The following OIT3 variants were observed in gnomAD, a reference collection of about 807,000 sequenced individuals.
OIT3 encodes oncoprotein-induced transcript 3 protein.
A neutral mutation model predicts 52.2 loss-of-function variants in OIT3; 41 were observed. That is an observed-to-expected ratio of 0.79 (90% CI 0.61 to 1.02). OIT3 has a LOEUF of 1.02. OIT3 is among the 50% of genes least tolerant of loss of function. The pLI is 0.00. For synonymous variants in OIT3, 244 were observed against 276.9 expected, an observed-to-expected ratio of 0.88 and a Z score of 1.18; for missense variants, 634 against 715.5, an observed-to-expected ratio of 0.89 and a Z score of 1.30.
chr10:72,913,543 C>A, intron 6 of OIT3, 75 bp downstream of exon 6: 3 of 1,182,992 alleles, frequency 2.5e-6, no homozygotes, highest in African/African-American at 1.5e-5. Flanking sequence ...AGAGGTATGC[C>A]ATGTGGCTTG....
In OIT3 at chr10:72,913,326, C is replaced by G; in HGVS notation, c.809C>G (p.Ser270Ter). ...TCTGCAGTCCCTGTGTTGTGCAAAT[C>G]AAATGCCATTGAAGTGAACATCCCC... is the stretch of plus-strand genomic sequence containing the variant. ...HTCQVPVLCK[S>*]NAIEVNIPRE... Residue 270 changes from serine (S) to a stop codon, truncating the protein, a stop_gained, in exon 6 of 9, where the codon TCA becomes TGA. Transcript: ENST00000334011. LOFTEE classifies it high-confidence loss of function. 1 of 1,608,614 alleles carries G rather than the reference C, an allele frequency of 6.2e-7. No individual in the cohort carries two copies.
chr10:72,919,055 C>T (rs1191634646), intron 6 of OIT3, among the ~76,000 whole-genome samples: 7 of 152,130 alleles, frequency 4.6e-5, no homozygotes, highest in Non-Finnish European at 1.5e-5. Flanking sequence ...TTGCTTTGGG[C>T]AATATGGTCA....
At chr10:72,894,282 A>G (rs1013814405) in intron 1 of OIT3, among the ~76,000 whole-genome samples, 11 of 152,214 alleles carry the variant, frequency 7.2e-5, no homozygotes, top group Non-Finnish European at 1.5e-4. Context: ...GGATAAACCA[A>G]ACTCATTAGT....
chr10:72,924,324 G>A lies in OIT3; in HGVS notation c.1047G>A (p.Lys349=), dbSNP rs1322840779. 2 of 1,614,018 alleles carry A rather than the reference G, an allele frequency of 1.2e-6. No individual in the cohort carries two copies. Among genetic ancestry groups the A allele is most frequent in the Admixed American group, 3.3e-5 (2 of 60,000 alleles). ...SSGDFIIRTS[K]LLIPVTCEFP... ...GGGACTTCATCATCCGAACCAGCAAGCTGCTGATCCCGGTGACCTGCGAGT... is the reference window on the plus strand; with the variant it reads ...GGGACTTCATCATCCGAACCAGCAAACTGCTGATCCCGGTGACCTGCGAGT... The change falls in exon 7 of 9, where the codon AAG becomes AAA. Residue 349 remains lysine, a synonymous_variant. Coordinates refer to ENST00000334011, the MANE Select transcript of OIT3 (RefSeq NM_152635.3).
chr10:72,906,527 C>T, intron 3 of OIT3, 69 bp from the exon 4 acceptor site: 1 of 1,584,844 alleles, frequency 6.3e-7, no homozygotes. Flanking sequence ...TGTGGAAATT[C>T]TGCCCGGGGG....
intron 3 of OIT3, among the ~76,000 whole-genome samples, chr10:72,901,467 G>A (rs889725342): frequency 2.6e-5 from 4 of 152,168 alleles, no homozygotes; most frequent in Non-Finnish European, 5.9e-5. Context: ...AAGCTTTTTG[G>A]ATTCAGACTC....
At chr10:72,925,495 G>A (rs933943034) in intron 7 of OIT3, among the ~76,000 whole-genome samples, 9 of 152,202 alleles carry the variant, frequency 5.9e-5, no homozygotes, top group Non-Finnish European at 2.9e-5. Flanking sequence ...AGGGAACAAG[G>A]AGCCAGCAAA....
chr10:72,921,915 G>A (rs57552377), intron 6 of OIT3, among the ~76,000 whole-genome samples: 132 of 151,714 alleles, frequency 8.7e-4, no homozygotes, highest in African/African-American at 2.4e-3. Flanking sequence ...CAAGTGATCC[G>A]CCTGCCTCAG....
chr10:72,920,035 T>G lies in OIT3; in HGVS notation c.952-4194T>G, dbSNP rs535984874. On this transcript the variant is annotated intron_variant, in intron 6 of 8. Coordinates refer to ENST00000334011, the MANE Select transcript of OIT3 (RefSeq NM_152635.3). ...TCAGTAGGAATGGTACCAGCTCTTCTTTGTACAGGGGGTAGAATTCAGCTG... is the reference window on the plus strand; with the variant it reads ...TCAGTAGGAATGGTACCAGCTCTTCGTTGTACAGGGGGTAGAATTCAGCTG... Among the ~76,000 whole-genome samples the G allele has an allele frequency of 2.6e-4, 39 of 152,314 alleles. 1 individual carries two copies. In the South Asian group the frequency reaches 7.9e-3, roughly 31 times the overall value.
chr10:72,899,572 G>A (rs1845909052), intron 2 of OIT3, among the ~76,000 whole-genome samples: 1 of 149,456 alleles, frequency 6.7e-6, no homozygotes, highest in African/African-American at 2.5e-5. Context: ...CTCCAGCCTG[G>A]GTGACAGAGT....
chr10:72,904,715 C>T (rs1206956626), intron 3 of OIT3, among the ~76,000 whole-genome samples: 1 of 152,134 alleles, frequency 6.6e-6, no homozygotes, highest in Non-Finnish European at 1.5e-5. Flanking sequence ...CTCTAATTAT[C>T]ACGATAATGC....
At position 72,903,031 on chromosome 10, in the gene OIT3, G is replaced by A. The variant is rs368477470; in HGVS notation, c.544+2547G>A. On this transcript the variant is annotated intron_variant, in intron 3 of 8. Coordinates refer to ENST00000334011, the MANE Select transcript of OIT3 (RefSeq NM_152635.3). ...GGGTCTGTGGGACTTCAGGGAGATG[G>A]TGAATCCTCTGAAATTGTAGACAGT... 4.8e-4 allele frequency among the ~76,000 whole-genome samples: 73 copies of A among 152,224 alleles called. No individual in the cohort carries two copies. In the South Asian group the frequency reaches 0.015, roughly 31 times the overall value.
chr10:72,914,921 A>C (rs1307247657), intron 6 of OIT3, among the ~76,000 whole-genome samples: 1 of 151,868 alleles, frequency 6.6e-6, no homozygotes, highest in Non-Finnish European at 1.5e-5. Flanking sequence ...CCAGGCTGGC[A>C]ATGGTACAAT....
chr10:72,899,118 A>G (rs1048058650), intron 2 of OIT3, 80 bp downstream of exon 2: 32 of 1,283,176 alleles, frequency 2.5e-5, no homozygotes, highest in Non-Finnish European at 2.1e-5. Flanking sequence ...TAGGATATGC[A>G]GTTACAGTGG....
intron 1 of OIT3, among the ~76,000 whole-genome samples, chr10:72,896,226 G>C (rs1012233261): frequency 7.2e-5 from 11 of 152,116 alleles, no homozygotes; most frequent in African/African-American, 2.7e-4. Context: ...CTGTAGAAGC[G>C]ATTAAAAGTT....
At chr10:72,900,284 A>ACCCCCCCCCCCCC in intron 2 of OIT3, 93 bp from the exon 3 acceptor site, 2 of 642,534 alleles carry the variant, frequency 3.1e-6, no homozygotes, top group Non-Finnish European at 2.7e-6. Context: ...TAGGGATACC[A>ACCCCCCCCCCCCC]CCCCCCCCGA....
intron 5 of OIT3, among the ~76,000 whole-genome samples, chr10:72,912,816 T>C (rs747537828): frequency 1.3e-5 from 2 of 152,222 alleles, no homozygotes; most frequent in Admixed American, 6.5e-5. Context: ...TCAGAGTTTA[T>C]GGTTTCCTGA....
At chr10:72,929,561 C>G (rs1031306198) in intron 7 of OIT3, among the ~76,000 whole-genome samples, 2 of 151,800 alleles carry the variant, frequency 1.3e-5, no homozygotes, top group Non-Finnish European at 2.9e-5. Context: ...CAGAGGCATA[C>G]CACCACACTT....
chr10:72,906,612 G>A lies in OIT3; in HGVS notation c.561G>A (p.Glu187=), dbSNP rs1845981315. ...CTTCTGCAGATGAAAATGAATGTGAGCAAAACAACGGTGGCTGCAGTGAGA... is the reference window on the plus strand; with the variant it reads ...CTTCTGCAGATGAAAATGAATGTGAACAAAACAACGGTGGCTGCAGTGAGA... ...RQTCFDENEC[E]QNNGGCSEIC... The change falls in exon 4 of 9, where the codon GAG becomes GAA. Residue 187 remains glutamate (E), a synonymous_variant. Coordinates refer to ENST00000334011, the MANE Select transcript of OIT3 (RefSeq NM_152635.3). 6.2e-7 allele frequency: 1 copy of A among 1,613,944 alleles called. No homozygotes were observed. The highest frequency in any genetic ancestry group is 8.5e-7 in the Non-Finnish European group (1 of 1,179,888).
Sources: allele counts gnomAD v4.1 joint callset (sites outside exome capture counted in the v4.1 genomes callset), GRCh38; gene constraint gnomAD v4.1.1; transcripts MANE v1.5; gene names NCBI Gene and HGNC (gene_info 2026-07-23, HGNC 2026-07-21).